The following MRPL52 variants were observed in gnomAD, a reference collection of about 807,000 sequenced individuals.
MRPL52 encodes mitochondrial ribosomal protein L52.
In MRPL52, 19 loss-of-function variants were observed where a neutral mutation model predicts 22.1. The observed-to-expected ratio is 0.86, with a 90% CI of 0.60 to 1.26. The LOEUF (loss-of-function observed/expected upper bound fraction) is 1.26. MRPL52 is among the 50% of genes most tolerant of loss of function. The pLI is 0.00. For missense variants in MRPL52, 152 were observed against 148.1 expected, an observed-to-expected ratio of 1.03 and a Z score of -0.14; for synonymous variants, 50 against 57.5, an observed-to-expected ratio of 0.87 and a Z score of 0.59.
chr14:22,831,064 T>C, intron 3 of MRPL52: 1 of 1,274,756 alleles, frequency 7.8e-7, no homozygotes, highest in Non-Finnish European at 1.1e-6. Flanking sequence ...CTCCTTGTAG[T>C]AGTATGGACT....
At position 22,833,421 on chromosome 14, in the gene MRPL52, GC is replaced by G. The variant is rs1204902618; in HGVS notation, c.160del (p.Arg54AlafsTer6). ...TTTCTCTCACTTCTACTTGTAGATG[GC>G]CGCCCTGCTCCCCCAATGAAAGGCC... ...TELPDWSYAD[G>X]RPAPPMKGQL... is the part of the protein sequence containing the mutation. On this transcript the variant is annotated frameshift_variant, in exon 4 of 5. Transcript: ENST00000397496. LOFTEE classifies it high-confidence loss of function. 5 of 1,612,008 alleles carry G rather than the reference GC, an allele frequency of 3.1e-6. No individual in the cohort carries two copies. The highest frequency in any genetic ancestry group is 4.2e-6 in the Non-Finnish European group (5 of 1,178,310).
In MRPL52 at chr14:22,834,692, C is replaced by T; in HGVS notation, c.*371C>T. On this transcript the variant is annotated 3_prime_UTR_variant, in exon 5 of 5. Coordinates refer to ENST00000397496, the MANE Select transcript of MRPL52 (RefSeq NM_180982.3). ...TGAAACCCTGTCCCTACTAAAGATA[C>T]AAACAATTAGCCGGGCGTGGTGGGG... is the stretch of plus-strand genomic sequence containing the variant. The T allele has an allele frequency of 6.0e-6, 1 of 166,336 alleles. No individual in the cohort carries two copies. The highest frequency in any genetic ancestry group is 1.3e-5 in the Non-Finnish European group (1 of 76,562). The allele number at this position is 166,336 out of a possible 1,614,324, so 10.3% of individuals were successfully genotyped here.
At chr14:22,833,544 C>G in intron 4 of MRPL52, 62 bp downstream of exon 4, 1 of 1,294,734 alleles carries the variant, frequency 7.7e-7, no homozygotes, top group African/African-American at 1.5e-5. Flanking sequence ...CATAATTTGT[C>G]TTGAGCTGTG....
intron 3 of MRPL52, 114 bp from the exon 4 acceptor site, chr14:22,833,304 G>A: frequency 1.4e-6 from 1 of 713,256 alleles, no homozygotes; most frequent in Non-Finnish European, 2.5e-6. Flanking sequence ...CAATGTATAT[G>A]AAATGGAAGA....
At chr14:22,834,082 G>C in intron 4 of MRPL52, 90 bp from the exon 5 acceptor site, 1 of 1,451,628 alleles carries the variant, frequency 6.9e-7, no homozygotes, top group South Asian at 1.4e-5. Flanking sequence ...TCATTTTCCA[G>C]ATGAAACCTC....
chr14:22,834,440 C>A lies in MRPL52; in HGVS notation c.*119C>A. On this transcript the variant is annotated 3_prime_UTR_variant, in exon 5 of 5. Transcript: ENST00000397496. ...CCCATCTGTCTTCAGAGAAAAAGAGCTGGGACACCAAGAACAAGCTGTTAG... is the reference window on the plus strand; with the variant it reads ...CCCATCTGTCTTCAGAGAAAAAGAGATGGGACACCAAGAACAAGCTGTTAG... 1 of 1,151,160 alleles carries A rather than the reference C, an allele frequency of 8.7e-7. No homozygotes were observed. The highest frequency in any genetic ancestry group is 1.2e-6 in the Non-Finnish European group (1 of 827,936). The allele number at this position is 1,151,160 out of a possible 1,614,324, so 71.3% of individuals were successfully genotyped here.
At position 22,830,343 on chromosome 14, in the gene MRPL52, G is replaced by A. The variant is rs568095511; in HGVS notation, c.154+89G>A. The A allele has an allele frequency of 8.8e-6, 12 of 1,370,718 alleles. No homozygotes were observed. In the African/African-American group the frequency reaches 1.6e-4, roughly 18 times the overall value. 84.9% of individuals were successfully genotyped at this position (1,370,718 alleles called of 1,614,324 possible). A position where few individuals can be genotyped will look rare whatever the true frequency, so the allele number is the denominator to read the frequency against. On this transcript the variant is annotated intron_variant, in intron 3 of 4. Transcript: ENST00000397496. Reference sequence around the variant, plus strand: ...ACGGGGAGCTGGGGGTATCAAGGTGGGGGCGTGTAAAAGTGTTTAACTTTT... The same window carrying A: ...ACGGGGAGCTGGGGGTATCAAGGTGAGGGCGTGTAAAAGTGTTTAACTTTT...
rs1485890956 is a variant in MRPL52 at position 22,834,315 on chromosome 14, TCAATAAAAAG to T, written c.367_*7del. 1 of 1,609,774 alleles carries T rather than the reference TCAATAAAAAG, an allele frequency of 6.2e-7. No homozygotes were observed. Among genetic ancestry groups the T allele is most frequent in the South Asian group, 1.1e-5 (1 of 90,388 alleles). Reference sequence around the variant, plus strand: ...CTTCACTGAAGAGCCCACTTCCAAGTCAATAAAAAGCAACTCCTGCCTCCCTTCCTCACCC... The same window carrying T: ...CTTCACTGAAGAGCCCACTTCCAAGTCAACTCCTGCCTCCCTTCCTCACCC... On this transcript the variant is annotated stop_lost and 3_prime_UTR_variant, in exon 5 of 5. Coordinates refer to ENST00000397496, the MANE Select transcript of MRPL52 (RefSeq NM_180982.3).
chr14:22,834,443 G>A lies in MRPL52; in HGVS notation c.*122G>A. The A allele has an allele frequency of 1.8e-6, 2 of 1,135,556 alleles. No individual in the cohort carries two copies. Among genetic ancestry groups the A allele is most frequent in the South Asian group, 1.7e-5 (1 of 58,722 alleles). The allele number at this position is 1,135,556 out of a possible 1,614,324, so 70.3% of individuals were successfully genotyped here. On this transcript the variant is annotated 3_prime_UTR_variant, in exon 5 of 5. Transcript: ENST00000397496. ...ATCTGTCTTCAGAGAAAAAGAGCTG[G>A]GACACCAAGAACAAGCTGTTAGATC...
chr14:22,830,931 C>T (rs1203520021), intron 3 of MRPL52: 1 of 1,423,070 alleles, frequency 7.0e-7, no homozygotes, highest in African/African-American at 1.4e-5. Context: ...ACACAGAGAT[C>T]TGAATATTTA....
At chr14:22,830,707 CT>C (rs1357414265) in intron 3 of MRPL52, 1 of 417,848 alleles carries the variant, frequency 2.4e-6, no homozygotes, top group African/African-American at 2.1e-5. Context: ...TCAGAAAATT[CT>C]TTTACCTTTA....
At chr14:22,831,028 G>C in intron 3 of MRPL52, 2 of 1,384,932 alleles carry the variant, frequency 1.4e-6, no homozygotes, top group Admixed American at 4.4e-5. Flanking sequence ...TTTTCTACTT[G>C]TTATTTACTG....
At chr14:22,831,318 A>G in intron 3 of MRPL52, 2 of 308,904 alleles carry the variant, frequency 6.5e-6, no homozygotes, top group Non-Finnish European at 1.2e-5. Flanking sequence ...GGCTCTTGCT[A>G]TGTTGCCCAA....
chr14:22,831,106 C>CTTTCTTTT (rs2039603581), intron 3 of MRPL52: 1 of 140,982 alleles, frequency 7.1e-6, no homozygotes, highest in African/African-American at 5.7e-5. Context: ...CATATGACTG[C>CTTTCTTTT]TTTTTTTTTT....
Position 22,834,293 on chromosome 14 carries a change from C to T in MRPL52, c.341C>T (p.Ser114Leu), listed in dbSNP as rs888101634. ...AATGCTCTTAAACCCAAAGGGGCTT[C>T]ACTGAAGAGCCCACTTCCAAGTCAA... Reference protein sequence around the residue: ...QENALKPKGASLKSPLPSQ With the variant: ...QENALKPKGALLKSPLPSQ Residue 114 changes from serine (S) to leucine (L), a missense_variant, in exon 5 of 5, where the codon TCA becomes TTA. Transcript: ENST00000397496. The T allele has an allele frequency of 1.9e-5, 30 of 1,613,706 alleles. No homozygotes were observed. The highest frequency in any genetic ancestry group is 2.5e-5 in the Non-Finnish European group (29 of 1,179,940).
At chr14:22,831,863 A>G (rs1319343569) in intron 3 of MRPL52, 1 of 152,238 alleles carries the variant, frequency 6.6e-6, no homozygotes, top group African/African-American at 2.4e-5. Context: ...ATTAAGTAAT[A>G]GTATTCAGGG....
chr14:22,833,418 A>G lies in MRPL52; in HGVS notation c.155A>G (p.Asp52Gly), dbSNP rs765439695. 7 of 1,611,608 alleles carry G rather than the reference A, an allele frequency of 4.3e-6. No individual in the cohort carries two copies. Among genetic ancestry groups the G allele is most frequent in the Admixed American group, 1.7e-5 (1 of 59,984 alleles). ...ACTTTTCTCTCACTTCTACTTGTAGATGGCCGCCCTGCTCCCCCAATGAAA... is the reference window on the plus strand; with the variant it reads ...ACTTTTCTCTCACTTCTACTTGTAGGTGGCCGCCCTGCTCCCCCAATGAAA... ...LTELPDWSYA[D>G]GRPAPPMKGQ... Residue 52 changes from aspartate to glycine, a missense_variant and splice_region_variant, in exon 4 of 5, where the codon GAT becomes GGT. Transcript: ENST00000397496.
chr14:22,832,498 G>A (rs1398757808), intron 3 of MRPL52, among the ~76,000 whole-genome samples: 3 of 151,692 alleles, frequency 2.0e-5, no homozygotes, highest in South Asian at 2.1e-4. Flanking sequence ...CCACCACCAC[G>A]CCCGGCTAAT....
intron 3 of MRPL52, among the ~76,000 whole-genome samples, chr14:22,832,723 T>C (rs1017997344): frequency 6.6e-6 from 1 of 151,464 alleles, no homozygotes; most frequent in African/African-American, 2.4e-5. Flanking sequence ...TGAAATAGAG[T>C]AGTAAATTAG....
Sources: gnomAD v4.1 joint callset for allele counts (sites outside exome capture counted in the v4.1 genomes callset) on GRCh38, gnomAD v4.1.1 for gene constraint, MANE v1.5 for transcripts, NCBI Gene and HGNC (gene_info 2026-07-23, HGNC 2026-07-21) for gene names.